PTPRC: variants seen among roughly 807,000 people sequenced by gnomAD.
The protein encoded by PTPRC is protein tyrosine phosphatase receptor type C.
In PTPRC, 44 loss-of-function variants were observed where a neutral mutation model predicts 155.9. That is an observed-to-expected ratio of 0.28 (90% CI 0.22 to 0.36). PTPRC has a LOEUF of 0.36. Ranked by LOEUF, PTPRC falls within the 10% of genes least tolerant of loss-of-function variation. The pLI is 1.00. For synonymous variants in PTPRC, 525 were observed against 533.1 expected, an observed-to-expected ratio of 0.98 and a Z score of 0.21; for missense variants, 1,401 against 1,564.6, an observed-to-expected ratio of 0.90 and a Z score of 1.76.
At chr1:198,752,136 T>C (rs1332593606) in intron 29 of PTPRC, 113 bp from the exon 30 acceptor site, 1 of 1,256,428 alleles carries the variant, frequency 8.0e-7, no homozygotes, top group Non-Finnish European at 1.1e-6. Context: ...CACAATAATT[T>C]TCATTTAATA....
chr1:198,747,576 G>A (rs1276783974), intron 26 of PTPRC, among the ~76,000 whole-genome samples: 1 of 151,830 alleles, frequency 6.6e-6, no homozygotes, highest in African/African-American at 2.4e-5. Context: ...AGGCAGACTG[G>A]ATTAAGTAGG....
intron 29 of PTPRC, among the ~76,000 whole-genome samples, chr1:198,751,515 T>C (rs756845661): frequency 1.3e-5 from 2 of 151,962 alleles, no homozygotes; most frequent in Non-Finnish European, 2.9e-5. Flanking sequence ...CCCCTGTACA[T>C]GGAAAGTTGC....
chr1:198,646,665 T>C (rs1429947665), intron 2 of PTPRC, among the ~76,000 whole-genome samples: 1 of 152,048 alleles, frequency 6.6e-6, no homozygotes, highest in Non-Finnish European at 1.5e-5. Context: ...AGACTTTCGA[T>C]TATTTCTTAT....
Position 198,695,161 on chromosome 1 carries a change from T to C in PTPRC, c.101-1551T>C. On this transcript the variant is annotated intron_variant, in intron 3 of 32. Transcript: ENST00000442510. Reference sequence around the variant, plus strand: ...TTTGATACTAATGAATAAAGCTGGGTTTTTTATTTATCATACTATTTCCAT... The same window carrying C: ...TTTGATACTAATGAATAAAGCTGGGCTTTTTATTTATCATACTATTTCCAT... 6.2e-5 allele frequency: 55 copies of C among 887,818 alleles called. 1 individual carries two copies. The highest frequency in any genetic ancestry group is 7.4e-5 in the Non-Finnish European group (55 of 741,400). 55.0% of individuals were successfully genotyped at this position (887,818 alleles called of 1,614,324 possible).
chr1:198,722,918 C>A (rs72738063), intron 15 of PTPRC, among the ~76,000 whole-genome samples: 1 of 151,532 alleles, frequency 6.6e-6, no homozygotes, highest in Non-Finnish European at 1.5e-5. Context: ...TAACAATATA[C>A]TTATGTAAAT....
chr1:198,678,992 A>G, intron 2 of PTPRC: 1 of 210,994 alleles, frequency 4.7e-6, no homozygotes, highest in Non-Finnish European at 9.3e-6. Context: ...GCAGCAGGAA[A>G]AGTTACCCTA....
intron 29 of PTPRC, 150 bp downstream of exon 29, chr1:198,750,776 G>A (rs1571894851): frequency 9.9e-7 from 1 of 1,012,030 alleles, no homozygotes; most frequent in Non-Finnish European, 1.5e-6. Context: ...CTTTCACCCT[G>A]GTGTTGGCCT....
intron 2 of PTPRC, among the ~76,000 whole-genome samples, chr1:198,642,951 T>C (rs2102178620): frequency 6.6e-6 from 1 of 150,578 alleles, no homozygotes; most frequent in Admixed American, 6.6e-5. Context: ...TTTCTTTCTT[T>C]CTTTCTTTCT....
At chr1:198,722,531 T>C in intron 15 of PTPRC, 55 bp downstream of exon 15, 1 of 1,012,892 alleles carries the variant, frequency 9.9e-7, no homozygotes, top group Non-Finnish European at 1.3e-6. Flanking sequence ...TTAATGCTTA[T>C]AAAGCTATAT....
intron 2 of PTPRC, among the ~76,000 whole-genome samples, chr1:198,671,719 G>T (rs1664658825): frequency 6.6e-6 from 1 of 152,092 alleles, no homozygotes; most frequent in Non-Finnish European, 1.5e-5. Context: ...AACTTGCCTT[G>T]CTGTCATATT....
intron 3 of PTPRC, chr1:198,692,997 A>G (rs1280566455): frequency 1.1e-5 from 10 of 939,358 alleles, no homozygotes; most frequent in Non-Finnish European, 1.3e-5. Flanking sequence ...AGATGGTTAA[A>G]TATCACATCA....
Position 198,756,849 on chromosome 1 carries a change from A to AAT in PTPRC, c.*669_*670dup, listed in dbSNP as rs1655700644. On this transcript the variant is annotated 3_prime_UTR_variant, in exon 33 of 33. Transcript: ENST00000442510. ...TCTTTTTAAGCTTATTTAATTAAAA[A>AAT]ATTTCCAGTGAGCTTATCATGCTGT... 6.6e-6 allele frequency: 1 copy of AAT among 151,970 alleles called. No individual in the cohort carries two copies. The highest frequency in any genetic ancestry group is 2.4e-5 in the African/African-American group (1 of 41,424). 9.4% of individuals were successfully genotyped at this position (151,970 alleles called of 1,614,324 possible).
At chr1:198,753,680 T>C (rs535828639) in intron 31 of PTPRC, among the ~76,000 whole-genome samples, 158 of 152,184 alleles carry the variant, frequency 1.0e-3, no homozygotes, top group Non-Finnish European at 1.9e-3. Context: ...GTCCTGCTGA[T>C]AACATATTGT....
At chr1:198,723,339 A>G (rs1344698601) in intron 15 of PTPRC, among the ~76,000 whole-genome samples, 3 of 152,076 alleles carry the variant, frequency 2.0e-5, no homozygotes, top group Non-Finnish European at 4.4e-5. Flanking sequence ...TCTCTTACAT[A>G]TGTTACATAT....
intron 2 of PTPRC, among the ~76,000 whole-genome samples, chr1:198,649,391 T>C (rs1663117583): frequency 6.6e-6 from 1 of 151,828 alleles, no homozygotes. Context: ...AAATGAAGCA[T>C]AAGACATCAG....
At chr1:198,683,165 C>T (rs537250129) in intron 2 of PTPRC, among the ~76,000 whole-genome samples, 99 of 152,208 alleles carry the variant, frequency 6.5e-4, no homozygotes, top group Middle Eastern at 6.8e-3. Context: ...ATACCATCTA[C>T]TTTGTAGGAT....
intron 3 of PTPRC, chr1:198,695,220 TA>T (rs1419178870): frequency 2.3e-6 from 2 of 868,490 alleles, no homozygotes; most frequent in Admixed American, 1.2e-4. Context: ...TTTTCATTCT[TA>T]ACTCTTTCCT....
chr1:198,652,732 G>T (rs1181996237), intron 2 of PTPRC, among the ~76,000 whole-genome samples: 1 of 151,714 alleles, frequency 6.6e-6, no homozygotes, highest in African/African-American at 2.4e-5. Context: ...CCATCCAGAG[G>T]CTCAAGGAAT....
intron 26 of PTPRC, among the ~76,000 whole-genome samples, chr1:198,745,505 G>A (rs1359267425): frequency 6.6e-6 from 1 of 151,786 alleles, no homozygotes; most frequent in Non-Finnish European, 1.5e-5. Flanking sequence ...GGGCAAAGAA[G>A]AGCTCAATGC....
Sources: gnomAD v4.1 joint callset for allele counts (sites outside exome capture counted in the v4.1 genomes callset) on GRCh38, gnomAD v4.1.1 for gene constraint, MANE v1.5 for transcripts, NCBI Gene and HGNC (gene_info 2026-07-23, HGNC 2026-07-21) for gene names.